The following GLRA2 variants were observed in gnomAD, a reference collection of about 807,000 sequenced individuals.
GLRA2 encodes the protein glycine receptor subunit alpha-2.
In GLRA2, 11 loss-of-function variants were observed where a neutral mutation model predicts 31.6. That is an observed-to-expected ratio of 0.35 (90% CI 0.22 to 0.58). The LOEUF (loss-of-function observed/expected upper bound fraction) is 0.58, where lower values mean the gene tolerates loss of function less well. GLRA2 is among the 20% of genes least tolerant of loss of function. The probability of loss-of-function intolerance (pLI) is 0.84; values close to 1 mark genes in which losing one functional copy is unlikely to be tolerated. For synonymous variants in GLRA2, 132 were observed against 134.0 expected (o/e 0.99, Z 0.10); for missense variants, 212 against 351.8 (o/e 0.60, Z 3.18).
the GLRA2 span, among the ~76,000 whole-genome samples, chrX:14,455,607 G>T: frequency 3.6e-5 from 4 of 111,243 alleles, no homozygotes; most frequent in African/African-American, 1.3e-4. Flanking sequence ...TCATTGTCTT[G>T]TTCCTATATT....
the GLRA2 span, among the ~76,000 whole-genome samples, chrX:14,502,342 A>T: frequency 8.9e-6 from 1 of 112,417 alleles, no homozygotes. Flanking sequence ...ATAAAGGTTA[A>T]CTATTATTAG....
upstream of GLRA2, among the ~76,000 whole-genome samples, chrX:14,525,016 T>G (rs951500024): frequency 9.0e-6 from 1 of 111,368 alleles, no homozygotes; most frequent in African/African-American, 3.3e-5. Flanking sequence ...AGATATCAAT[T>G]ATTTTTCTGC....
chrX:14,664,810 G>C (rs763692923), intron 7 of GLRA2, among the ~76,000 whole-genome samples: 1 of 111,898 alleles, frequency 8.9e-6, no homozygotes, highest in Non-Finnish European at 1.9e-5. Context: ...TAAAGAGAAG[G>C]CTGGAGGGGA....
At chrX:14,656,304 C>T (rs1430773157) in intron 7 of GLRA2, among the ~76,000 whole-genome samples, 2 of 112,395 alleles carry the variant, frequency 1.8e-5, no homozygotes, top group Non-Finnish European at 3.8e-5. Context: ...AGCTGAAACA[C>T]ACTTTCCTAG....
At chrX:14,557,203 C>T (rs769378308) in intron 2 of GLRA2, among the ~76,000 whole-genome samples, 24 of 98,710 alleles carry the variant, frequency 2.4e-4, no homozygotes, top group African/African-American at 8.9e-4. Context: ...GTAAGCTCCG[C>T]CTCCTGGGTT....
At chrX:14,456,952 T>G in the GLRA2 span, among the ~76,000 whole-genome samples, 2 of 111,897 alleles carry the variant, frequency 1.8e-5, no homozygotes, top group African/African-American at 6.5e-5. Context: ...CCATAGTGGC[T>G]GTACTAGTTT....
At chrX:14,682,393 A>G (rs2091223311) in intron 7 of GLRA2, among the ~76,000 whole-genome samples, 1 of 111,434 alleles carries the variant, frequency 9.0e-6, no homozygotes, top group Admixed American at 9.5e-5. Flanking sequence ...TCTTAAAAAT[A>G]ATAATTAGAA....
intron 2 of GLRA2, among the ~76,000 whole-genome samples, chrX:14,561,089 C>T (rs936692742): frequency 9.0e-6 from 1 of 111,705 alleles, no homozygotes; most frequent in African/African-American, 3.3e-5. Flanking sequence ...GTTTCACTTC[C>T]ATACTACCTC....
the GLRA2 span, among the ~76,000 whole-genome samples, chrX:14,449,790 C>T: frequency 8.9e-6 from 1 of 112,402 alleles, no homozygotes; most frequent in African/African-American, 3.2e-5. Flanking sequence ...CATCACAATA[C>T]CCCAGGATTT....
At chrX:14,454,212 AC>A in the GLRA2 span, among the ~76,000 whole-genome samples, 2 of 108,493 alleles carry the variant, frequency 1.8e-5, no homozygotes, top group African/African-American at 6.7e-5. Flanking sequence ...ACACACACAC[AC>A]ACACACACGC....
chrX:14,682,151 A>C (rs2091220631), intron 7 of GLRA2, among the ~76,000 whole-genome samples: 2 of 107,523 alleles, frequency 1.9e-5, no homozygotes, highest in South Asian at 8.1e-4. Context: ...AACTCAGATG[A>C]GAGAAAGGGG....
chrX:14,484,109 A>G, the GLRA2 span, among the ~76,000 whole-genome samples: 2 of 111,583 alleles, frequency 1.8e-5, no homozygotes, highest in Non-Finnish European at 3.8e-5. Context: ...TGTATTTCAT[A>G]TATACATATA....
intron 7 of GLRA2, among the ~76,000 whole-genome samples, chrX:14,641,889 C>G (rs2090778167): frequency 8.9e-6 from 1 of 112,071 alleles, no homozygotes; most frequent in Non-Finnish European, 1.9e-5. Flanking sequence ...CCACCATATG[C>G]CTAATGGCTC....
chrX:14,513,933 A>T, the GLRA2 span, among the ~76,000 whole-genome samples: 1 of 112,005 alleles, frequency 8.9e-6, no homozygotes, highest in Non-Finnish European at 1.9e-5. Flanking sequence ...CCAGAGGAAA[A>T]AAAAGTTATT....
chrX:14,526,077 T>C (rs1260565857), upstream of GLRA2, among the ~76,000 whole-genome samples: 1 of 112,107 alleles, frequency 8.9e-6, no homozygotes, highest in Admixed American at 9.5e-5. Flanking sequence ...TATGAAGGCC[T>C]GTAATAGAAT....
intron 7 of GLRA2, among the ~76,000 whole-genome samples, chrX:14,685,893 A>C (rs760825255): frequency 9.0e-6 from 1 of 111,171 alleles, no homozygotes; most frequent in Non-Finnish European, 1.9e-5. Context: ...TAGTTCTTTT[A>C]ATTGTGATGT....
In GLRA2 at chrX:14,579,585, C is replaced by G. The variant is rs764897752; in HGVS notation, c.271-1598C>G. Among the ~76,000 whole-genome samples the G allele has an allele frequency of 3.6e-5, 4 of 111,951 alleles. No homozygotes were observed. In the South Asian group the frequency reaches 1.1e-3, roughly 31 times the overall value. On this transcript the variant is annotated intron_variant, in intron 3 of 8. Transcript: ENST00000218075. ...CCTCAGGTGATGCACCCACTTCAGCCTCCCAAAGTGCTGGGATTACAGGCA... is the reference window on the plus strand; with the variant it reads ...CCTCAGGTGATGCACCCACTTCAGCGTCCCAAAGTGCTGGGATTACAGGCA...
intron 8 of GLRA2, among the ~76,000 whole-genome samples, chrX:14,698,681 C>CAAAAA (rs749925474): frequency 9.5e-5 from 2 of 21,123 alleles, no homozygotes; most frequent in African/African-American, 1.8e-4. Flanking sequence ...CTATCTATCT[C>CAAAAA]AAAAAAAAAA....
At chrX:14,608,942 G>T in intron 6 of GLRA2, 49 bp from the exon 7 acceptor site, 4 of 578,157 alleles carry the variant, frequency 6.9e-6, no homozygotes, top group African/African-American at 2.3e-5. Flanking sequence ...TAATGGAATT[G>T]GAAATATAAA....
Sources: allele counts gnomAD v4.1 joint callset (sites outside exome capture counted in the v4.1 genomes callset), GRCh38; gene constraint gnomAD v4.1.1; transcripts MANE v1.5; gene names NCBI Gene and HGNC (gene_info 2026-07-23, HGNC 2026-07-21).